Variants in SH3RF3 observed in about 807,000 individuals in gnomAD.
SH3RF3 encodes the protein SH3 domain containing ring finger 3.
A neutral mutation model predicts 66.3 loss-of-function variants in SH3RF3; 29 were observed. That is an observed-to-expected ratio of 0.44 (90% CI 0.33 to 0.60). The LOEUF (loss-of-function observed/expected upper bound fraction) is 0.60. SH3RF3 is among the 20% of genes least tolerant of loss of function. The pLI is 0.04. For synonymous variants in SH3RF3, 583 were observed against 532.0 expected (o/e 1.10, Z -1.32); for missense variants, 1,194 against 1,190.9 (o/e 1.00, Z -0.04).
rs148395186 is a variant in SH3RF3, at chr2:109,281,452, G to A, written c.574-66222G>A. On this transcript the variant is annotated intron_variant, in intron 1 of 9. Transcript: ENST00000309415. ...CTCTAGTGTCCTGCATCCAGCACAC[G>A]CACAGCACGTGTACTGGAGGCAGCT... 8.7e-4 allele frequency among the ~76,000 whole-genome samples: 132 copies of A among 152,286 alleles called. 1 individual carries two copies. The highest frequency in any genetic ancestry group is 3.1e-3 in the African/African-American group (128 of 41,568).
chr2:109,396,729 C>G (rs1676158575), intron 3 of SH3RF3, among the ~76,000 whole-genome samples: 1 of 152,332 alleles, frequency 6.6e-6, no homozygotes, highest in South Asian at 2.1e-4. Flanking sequence ...ACAGGCCCCT[C>G]CTGGCACCTG....
Position 109,156,740 on chromosome 2 carries a change from G to T in SH3RF3, c.573+26627G>T, listed in dbSNP as rs181413860. ...TTACAGGCATGAGCCACCGTGCCCG[G>T]CCTGAATTTTAAGTTTTTTAAAAAG... On this transcript the variant is annotated intron_variant, in intron 1 of 9. Transcript: ENST00000309415. 1.4e-3 allele frequency among the ~76,000 whole-genome samples: 220 copies of T among 152,236 alleles called. No individual in the cohort carries two copies. The Middle Eastern group carries it at 0.017, about 12-fold the overall frequency.
chr2:109,419,303 G>A (rs896190841), intron 4 of SH3RF3, among the ~76,000 whole-genome samples: 4 of 152,176 alleles, frequency 2.6e-5, no homozygotes, highest in East Asian at 1.9e-4. Context: ...GATGCAGGCC[G>A]TAGAAGGCTC....
intron 4 of SH3RF3, among the ~76,000 whole-genome samples, chr2:109,402,244 C>CT (rs1160891131): frequency 6.6e-6 from 1 of 152,268 alleles, no homozygotes; most frequent in Admixed American, 6.5e-5. Flanking sequence ...CAGGAAGTGC[C>CT]TGGCCTGAGG....
At chr2:109,395,425 G>T (rs893632022) in intron 3 of SH3RF3, among the ~76,000 whole-genome samples, 8 of 152,214 alleles carry the variant, frequency 5.3e-5, no homozygotes, top group African/African-American at 1.7e-4. Flanking sequence ...CTCGGCAGCG[G>T]TTCGCCTGCC....
chr2:109,187,871 T>C (rs988801602), intron 1 of SH3RF3, among the ~76,000 whole-genome samples: 2 of 152,238 alleles, frequency 1.3e-5, no homozygotes, highest in Admixed American at 1.3e-4. Flanking sequence ...GGGTGCTCTC[T>C]TCCTGCCGCC....
At chr2:109,290,443 C>T (rs1681139590) in intron 1 of SH3RF3, among the ~76,000 whole-genome samples, 1 of 152,218 alleles carries the variant, frequency 6.6e-6, no homozygotes, top group South Asian at 2.1e-4. Flanking sequence ...TATGCATGCA[C>T]CAGATTTCAT....
intron 1 of SH3RF3, among the ~76,000 whole-genome samples, chr2:109,344,820 G>A (rs1006184897): frequency 3.3e-5 from 5 of 152,192 alleles, no homozygotes; most frequent in African/African-American, 1.2e-4. Context: ...AGGAGGTAGG[G>A]CTGGAGGGAC....
chr2:109,201,484 T>C (rs1276610588), intron 1 of SH3RF3, among the ~76,000 whole-genome samples: 1 of 152,050 alleles, frequency 6.6e-6, no homozygotes, highest in Non-Finnish European at 1.5e-5. Flanking sequence ...CTTATCTCTC[T>C]CTCCCCCTGG....
chr2:109,300,799 A>G (rs1204962300), intron 1 of SH3RF3, among the ~76,000 whole-genome samples: 1 of 152,216 alleles, frequency 6.6e-6, no homozygotes, highest in African/African-American at 2.4e-5. Context: ...AGTGAGTGTC[A>G]TCACCTAGAG....
intron 1 of SH3RF3, among the ~76,000 whole-genome samples, chr2:109,193,187 G>T (rs549283699): frequency 7.2e-4 from 109 of 152,302 alleles, no homozygotes; most frequent in African/African-American, 2.5e-3. Flanking sequence ...ACTGGAATCA[G>T]GGCAAATTGT....
chr2:109,302,172 C>T (rs535112342), intron 1 of SH3RF3, among the ~76,000 whole-genome samples: 7 of 152,266 alleles, frequency 4.6e-5, no homozygotes, highest in South Asian at 4.1e-4. Flanking sequence ...GCAAAGCTGG[C>T]GTTGGTACTC....
intron 2 of SH3RF3, among the ~76,000 whole-genome samples, chr2:109,369,772 G>A (rs919409431): frequency 1.1e-4 from 16 of 152,162 alleles, no homozygotes; most frequent in African/African-American, 3.6e-4. Context: ...CAACTCGGAT[G>A]GACACCAAAC....
intron 1 of SH3RF3, among the ~76,000 whole-genome samples, chr2:109,318,432 A>C (rs1044459348): frequency 2.0e-5 from 3 of 152,144 alleles, no homozygotes; most frequent in African/African-American, 7.2e-5. Context: ...GAATTGTGTG[A>C]GGCCTCCTCT....
At chr2:109,258,671 T>A (rs1423896442) in intron 1 of SH3RF3, among the ~76,000 whole-genome samples, 3 of 152,238 alleles carry the variant, frequency 2.0e-5, no homozygotes, top group Non-Finnish European at 2.9e-5. Context: ...TCTAGGAGCC[T>A]GACTGTGTGG....
intron 2 of SH3RF3, among the ~76,000 whole-genome samples, chr2:109,356,314 C>T (rs1327597286): frequency 6.6e-6 from 1 of 152,296 alleles, no homozygotes; most frequent in Middle Eastern, 3.4e-3. Flanking sequence ...GAATTTCCCA[C>T]ATTGATATTT....
chr2:109,242,397 A>T (rs959671431), intron 1 of SH3RF3, among the ~76,000 whole-genome samples: 2 of 152,120 alleles, frequency 1.3e-5, no homozygotes, highest in Admixed American at 6.5e-5. Flanking sequence ...CTCGTTGCAG[A>T]TGGTCACACC....
At chr2:109,269,535 C>A (rs140813480) in intron 1 of SH3RF3, among the ~76,000 whole-genome samples, 1 of 152,176 alleles carries the variant, frequency 6.6e-6, no homozygotes, top group South Asian at 2.1e-4. Context: ...AATCCCAGCA[C>A]TTTGGGAGGC....
intron 1 of SH3RF3, among the ~76,000 whole-genome samples, chr2:109,132,977 G>T (rs1258144923): frequency 6.6e-6 from 1 of 152,126 alleles, no homozygotes; most frequent in Non-Finnish European, 1.5e-5. Context: ...TTAAATCCTT[G>T]ACTTATATTT....
Sources: allele counts gnomAD v4.1 joint callset (sites outside exome capture counted in the v4.1 genomes callset), GRCh38; gene constraint gnomAD v4.1.1; transcripts MANE v1.5; gene names NCBI Gene and HGNC (gene_info 2026-07-23, HGNC 2026-07-21).